RGS3: variants seen among roughly 807,000 people sequenced by gnomAD.
RGS3 encodes regulator of G protein signaling 3.
Under a neutral mutation model 132.6 loss-of-function variants are expected in RGS3, and 80 were observed. The ratio of observed to expected loss-of-function variants is 0.60; its 90% CI spans 0.50 to 0.73. The LOEUF (loss-of-function observed/expected upper bound fraction) is 0.73. RGS3 is among the 30% of genes least tolerant of loss of function. The pLI is 0.00. For synonymous variants in RGS3, 598 were observed against 620.6 expected (o/e 0.96, Z 0.54); for missense variants, 1,382 against 1,530.8 (o/e 0.90, Z 1.62).
At chr9:113,481,398 C>T (rs990767777) in intron 4 of RGS3, among the ~76,000 whole-genome samples, 6 of 152,138 alleles carry the variant, frequency 3.9e-5, no homozygotes, top group Non-Finnish European at 8.8e-5. Flanking sequence ...AAGAACCACG[C>T]CCTCGAGGGA....
At chr9:113,529,147 T>A (rs562739249) in intron 17 of RGS3, 74 bp from the exon 16 acceptor site, 2 of 1,155,696 alleles carry the variant, frequency 1.7e-6, no homozygotes, top group South Asian at 1.2e-5. Flanking sequence ...GCAAGACAGC[T>A]GACTGTGCTG....
chr9:113,533,781 A>G (rs1391682659), intron 18 of RGS3, among the ~76,000 whole-genome samples: 2 of 152,194 alleles, frequency 1.3e-5, no homozygotes, highest in Non-Finnish European at 1.5e-5. Flanking sequence ...TTACATGGGA[A>G]CACTGGAGAC....
At chr9:113,574,418 T>C (rs1034729284) in intron 19 of RGS3, among the ~76,000 whole-genome samples, 4 of 152,100 alleles carry the variant, frequency 2.6e-5, no homozygotes, top group African/African-American at 9.7e-5. Flanking sequence ...TGGTAGCAGG[T>C]GGGTGAGAGA....
At chr9:113,474,636 G>A (rs1402485285) in intron 3 of RGS3, among the ~76,000 whole-genome samples, 3 of 152,142 alleles carry the variant, frequency 2.0e-5, no homozygotes, top group Admixed American at 6.5e-5. Flanking sequence ...GGATGTTAGC[G>A]GCTGGCTAGG....
intron 24 of RGS3, 148 bp from the exon 23 acceptor site, chr9:113,596,620 G>A (rs1387245274): frequency 3.1e-6 from 2 of 638,344 alleles, no homozygotes; most frequent in South Asian, 2.1e-5. Flanking sequence ...GAATCCTCTG[G>A]TCTGAGGGTC....
chr9:113,446,917 T>C lies in RGS3; in HGVS notation c.-13+1990T>C, dbSNP rs1056113522. Reference sequence around the variant, plus strand: ...TATCAAAAGTGATCTGAGGCACTTATAATTCTTTGTATCCCCTAAGCTTAC... The same window carrying C: ...TATCAAAAGTGATCTGAGGCACTTACAATTCTTTGTATCCCCTAAGCTTAC... On this transcript the variant is annotated intron_variant, in intron 1 of 25. Coordinates refer to the RGS3 transcript ENST00000374140. 1.7e-4 allele frequency among the ~76,000 whole-genome samples: 26 copies of C among 152,276 alleles called. 2 individuals carry two copies. Among genetic ancestry groups the C allele is most frequent in the Admixed American group, 1.3e-3 (20 of 15,288 alleles).
At chr9:113,566,298 G>A (rs531387641) in intron 19 of RGS3, among the ~76,000 whole-genome samples, 23 of 152,316 alleles carry the variant, frequency 1.5e-4, no homozygotes, top group African/African-American at 5.3e-4. Flanking sequence ...CCATGGGAGA[G>A]GGCCTGCACC....
At chr9:113,521,294 A>C (rs977282461) in intron 16 of RGS3, among the ~76,000 whole-genome samples, 2 of 152,160 alleles carry the variant, frequency 1.3e-5, no homozygotes, top group Non-Finnish European at 2.9e-5. Flanking sequence ...AAGCCTCTGT[A>C]TTTGTGCTAC....
intron 7 of RGS3, among the ~76,000 whole-genome samples, chr9:113,494,875 T>C (rs1393550799): frequency 6.6e-6 from 1 of 152,142 alleles, no homozygotes; most frequent in East Asian, 1.9e-4. Context: ...CTTCTTCTTC[T>C]TCTTCTTCTT....
At chr9:113,590,782 G>C (rs1175137085) in intron 20 of RGS3, among the ~76,000 whole-genome samples, 1 of 152,210 alleles carries the variant, frequency 6.6e-6, no homozygotes, top group Non-Finnish European at 1.5e-5. Flanking sequence ...GGTAGATCCA[G>C]TCGTGTTACG....
At position 113,551,022 on chromosome 9, in the gene RGS3, T is replaced by A. The variant is rs574303707; in HGVS notation, c.2037+14104T>A. On this transcript the variant is annotated intron_variant, in intron 19 of 24. Coordinates refer to ENST00000350696, the Ensembl canonical transcript of RGS3. Reference sequence around the variant, plus strand: ...CCATTTAAAGTACACAATTCAGTAATTTTTAGTGTATTCACACACTTGTGT... The same window carrying A: ...CCATTTAAAGTACACAATTCAGTAAATTTTAGTGTATTCACACACTTGTGT... 2.6e-5 allele frequency among the ~76,000 whole-genome samples: 4 copies of A among 152,350 alleles called. No individual in the cohort carries two copies. The East Asian group carries it at 7.7e-4, about 29-fold the overall frequency.
chr9:113,549,572 C>T (rs1396949748), intron 19 of RGS3, among the ~76,000 whole-genome samples: 1 of 152,176 alleles, frequency 6.6e-6, no homozygotes, highest in Non-Finnish European at 1.5e-5. Flanking sequence ...TGAAGTTCAT[C>T]CTTAATCCCA....
chr9:113,567,107 G>A (rs1193701630), intron 19 of RGS3, among the ~76,000 whole-genome samples: 1 of 152,238 alleles, frequency 6.6e-6, no homozygotes, highest in Non-Finnish European at 1.5e-5. Context: ...CCAGGGCTTT[G>A]AGCCAGAAAT....
rs565384413 is a variant in RGS3 at position 113,498,029 on chromosome 9, G to A, written c.846G>A (p.Pro282=). ...TTCTGCTCTGTCACCTTCCAGACCC[G>A]CTGCTGAGAATGCCAGGAGGTGGGG... Residue 282 remains proline (P), a synonymous_variant, in exon 10 of 25, where the codon CCG becomes CCA. Coordinates refer to ENST00000350696, the Ensembl canonical transcript of RGS3. 77 of 1,613,998 alleles carry A rather than the reference G, an allele frequency of 4.8e-5. No individual in the cohort carries two copies. In the South Asian group the frequency reaches 7.1e-4, roughly 15 times the overall value.
In RGS3 at chr9:113,479,559, C is replaced by A; in HGVS notation, c.466+18C>A. ...GCTTCACAGTGAGTACGGCTTTGTG[C>A]AGGCTCACCAAGGAAGGGGCGGGCC... is the stretch of plus-strand genomic sequence containing the variant. On this transcript the variant is annotated intron_variant, in intron 4 of 24. Transcript: ENST00000350696. 1 of 1,613,654 alleles carries A rather than the reference C, an allele frequency of 6.2e-7. No individual in the cohort carries two copies. Among genetic ancestry groups the A allele is most frequent in the South Asian group, 1.1e-5 (1 of 91,066 alleles).
At chr9:113,461,165 T>C (rs1373431908) in intron 1 of RGS3, among the ~76,000 whole-genome samples, 2 of 152,172 alleles carry the variant, frequency 1.3e-5, no homozygotes, top group Non-Finnish European at 2.9e-5. Context: ...TGTGTATGTA[T>C]GTGTGCAGAG....
chr9:113,499,635 A>G (rs1177786303), intron 10 of RGS3, among the ~76,000 whole-genome samples: 1 of 152,248 alleles, frequency 6.6e-6, no homozygotes, highest in Non-Finnish European at 1.5e-5. Context: ...CCACCTATGT[A>G]GGCTGGGCCC....
intron 18 of RGS3, among the ~76,000 whole-genome samples, chr9:113,534,023 T>C (rs971196412): frequency 2.0e-4 from 31 of 152,150 alleles, no homozygotes; most frequent in African/African-American, 7.5e-4. Context: ...CTTAGGAAGA[T>C]CAACTTCTGA....
chr9:113,595,166 T>G (rs984933563), intron 23 of RGS3, 186 bp downstream of exon 21: 2 of 616,208 alleles, frequency 3.2e-6, no homozygotes, highest in African/African-American at 3.7e-5. Flanking sequence ...AGCCAGCTTC[T>G]GCCAGCCCCT....
Sources: gnomAD v4.1 joint callset for allele counts (sites outside exome capture counted in the v4.1 genomes callset) on GRCh38, gnomAD v4.1.1 for gene constraint, MANE v1.5 for transcripts, NCBI Gene and HGNC (gene_info 2026-07-23, HGNC 2026-07-21) for gene names.